Variants in CNTNAP4 observed in about 807,000 individuals in gnomAD.
The protein encoded by CNTNAP4 is contactin associated protein family member 4.
CNTNAP4 carries 98 observed loss-of-function variants against 148.4 expected under a neutral mutation model. The ratio of observed to expected loss-of-function variants is 0.66; its 90% confidence interval spans 0.56 to 0.78. CNTNAP4 has a LOEUF of 0.78. CNTNAP4 is among the 30% of genes least tolerant of loss of function. The pLI, the probability that CNTNAP4 is intolerant of heterozygous loss-of-function variation, is 0.00. For synonymous variants in CNTNAP4, 730 were observed against 565.1 expected, an observed-to-expected ratio of 1.29 and a Z score of -4.14; for missense variants, 1,935 against 1,565.6, an observed-to-expected ratio of 1.24 and a Z score of -3.98.
intron 3 of CNTNAP4, among the ~76,000 whole-genome samples, chr16:76,410,149 T>A (rs2078742195): frequency 6.6e-6 from 1 of 151,758 alleles, no homozygotes; most frequent in Non-Finnish European, 1.5e-5. Flanking sequence ...TACAAAAGTT[T>A]GGATGAGCAT....
chr16:76,549,405 G>A (rs566249895), intron 21 of CNTNAP4, among the ~76,000 whole-genome samples: 1 of 152,244 alleles, frequency 6.6e-6, no homozygotes, highest in Non-Finnish European at 1.5e-5. Flanking sequence ...TCACCACACT[G>A]TCTACTTGCC....
intron 1 of CNTNAP4, among the ~76,000 whole-genome samples, chr16:76,289,009 T>C (rs1021722990): frequency 1.3e-5 from 2 of 152,194 alleles, no homozygotes; most frequent in Non-Finnish European, 2.9e-5. Flanking sequence ...GTACATATTC[T>C]CCTGGTCAAC....
intron 8 of CNTNAP4, among the ~76,000 whole-genome samples, chr16:76,455,386 T>C (rs1015715450): frequency 6.6e-5 from 10 of 152,228 alleles, no homozygotes; most frequent in African/African-American, 2.4e-4. Flanking sequence ...TTTGAGATGT[T>C]TCTGCATTTT....
At chr16:76,404,641 C>A (rs895368980) in intron 3 of CNTNAP4, among the ~76,000 whole-genome samples, 1 of 151,998 alleles carries the variant, frequency 6.6e-6, no homozygotes, top group African/African-American at 2.4e-5. Context: ...CATATAGAAT[C>A]TTTATATAAG....
chr16:76,410,926 G>A (rs2078770432), intron 3 of CNTNAP4, among the ~76,000 whole-genome samples: 1 of 151,534 alleles, frequency 6.6e-6, no homozygotes. Context: ...TTCTATGAAA[G>A]TATAGGTTAA....
intron 2 of CNTNAP4, among the ~76,000 whole-genome samples, chr16:76,336,661 A>T (rs1449754818): frequency 1.3e-5 from 2 of 152,242 alleles, no homozygotes; most frequent in African/African-American, 2.4e-5. Context: ...CACAATGCAC[A>T]TATAAGTTCT....
intron 4 of CNTNAP4, 47 bp from the exon 5 acceptor site, chr16:76,447,965 G>A: frequency 7.2e-7 from 1 of 1,389,292 alleles, no homozygotes; most frequent in Non-Finnish European, 1.0e-6. Flanking sequence ...TGATTTAATG[G>A]AAAAGATATT....
At chr16:76,430,081 G>T (rs765625999) in intron 4 of CNTNAP4, among the ~76,000 whole-genome samples, 1 of 152,102 alleles carries the variant, frequency 6.6e-6, no homozygotes, top group East Asian at 1.9e-4. Context: ...GATCAAATTG[G>T]CTTTTATACC....
chr16:76,392,152 C>G (rs1204131627), intron 3 of CNTNAP4, among the ~76,000 whole-genome samples: 1 of 152,110 alleles, frequency 6.6e-6, no homozygotes, highest in Non-Finnish European at 1.5e-5. Flanking sequence ...TGCCACCACA[C>G]CCAGCTAATT....
At chr16:76,381,031 T>C (rs2015912771) in intron 3 of CNTNAP4, among the ~76,000 whole-genome samples, 1 of 152,236 alleles carries the variant, frequency 6.6e-6, no homozygotes, top group Non-Finnish European at 1.5e-5. Flanking sequence ...TTTTTCTCCA[T>C]ACCTTTGAAA....
At chr16:76,456,072 C>A (rs1310752308) in intron 8 of CNTNAP4, among the ~76,000 whole-genome samples, 2 of 151,614 alleles carry the variant, frequency 1.3e-5, no homozygotes, top group African/African-American at 2.4e-5. Context: ...CGTGTAATTG[C>A]AAACACTTCC....
At chr16:76,314,218 A>C (rs1307389227) in intron 1 of CNTNAP4, among the ~76,000 whole-genome samples, 1 of 152,258 alleles carries the variant, frequency 6.6e-6, no homozygotes, top group Non-Finnish European at 1.5e-5. Flanking sequence ...CATAATTATA[A>C]GCCTTTGACT....
At chr16:76,529,843 C>CTGTGTGTGTGTG (rs35748962) in intron 17 of CNTNAP4, among the ~76,000 whole-genome samples, 32 of 148,456 alleles carry the variant, frequency 2.2e-4, no homozygotes, top group Middle Eastern at 3.4e-3. Context: ...TGAATCTCAG[C>CTGTGTGTGTGTG]TGTGTGTGTG....
At chr16:76,482,557 G>T (rs945876002) in intron 12 of CNTNAP4, among the ~76,000 whole-genome samples, 1 of 152,002 alleles carries the variant, frequency 6.6e-6, no homozygotes, top group East Asian at 1.9e-4. Context: ...AAAACTGCAG[G>T]TGGTGGCAAA....
At chr16:76,509,466 T>C (rs577771148) in intron 15 of CNTNAP4, among the ~76,000 whole-genome samples, 12 of 97,890 alleles carry the variant, frequency 1.2e-4, no homozygotes, top group African/African-American at 3.1e-4. Context: ...TTCATTAAAA[T>C]TGAGAAAGAA....
chr16:76,322,308 G>C (rs952351548), intron 2 of CNTNAP4, among the ~76,000 whole-genome samples: 1 of 152,090 alleles, frequency 6.6e-6, no homozygotes, highest in Non-Finnish European at 1.5e-5. Flanking sequence ...TCTTGATATT[G>C]AGATGGGGGT....
intron 1 of CNTNAP4, among the ~76,000 whole-genome samples, chr16:76,298,506 G>C (rs1281526983): frequency 1.3e-5 from 2 of 150,342 alleles, no homozygotes; most frequent in Non-Finnish European, 3.0e-5. Context: ...GTGTGTGTGT[G>C]TGTGTGTGTG....
intron 2 of CNTNAP4, among the ~76,000 whole-genome samples, chr16:76,346,275 T>C (rs1380371449): frequency 6.6e-6 from 1 of 152,076 alleles, no homozygotes; most frequent in Non-Finnish European, 1.5e-5. Context: ...TTTACCTTTT[T>C]GATATACTAT....
At chr16:76,444,067 G>A (rs561852470) in intron 4 of CNTNAP4, among the ~76,000 whole-genome samples, 4 of 152,190 alleles carry the variant, frequency 2.6e-5, no homozygotes, top group African/African-American at 9.6e-5. Flanking sequence ...TCAGAAGGAT[G>A]GTAAAACTAG....
Sources: gnomAD v4.1 joint callset for allele counts (sites outside exome capture counted in the v4.1 genomes callset) on GRCh38, gnomAD v4.1.1 for gene constraint, MANE v1.5 for transcripts, NCBI Gene and HGNC (gene_info 2026-07-23, HGNC 2026-07-21) for gene names.